The following PPP2R2C variants were observed in gnomAD, a reference collection of about 807,000 sequenced individuals.
The protein encoded by PPP2R2C is protein phosphatase 2, regulatory subunit B, gamma.
In PPP2R2C, 10 loss-of-function variants were observed where a neutral mutation model predicts 45.3. That is an observed-to-expected ratio of 0.22 (90% confidence interval 0.14 to 0.37). The LOEUF is 0.37. PPP2R2C is among the 10% of genes least tolerant of loss of function. The probability of loss-of-function intolerance (pLI) is 1.00; values close to 1 mark genes in which losing one functional copy is unlikely to be tolerated. For synonymous variants in PPP2R2C, 257 were observed against 245.4 expected (o/e 1.05, Z -0.44); for missense variants, 308 against 619.7 (o/e 0.50, Z 5.34).
chr4:6,517,267 G>A (rs1723853967), intron 2 of PPP2R2C, among the ~76,000 whole-genome samples: 1 of 152,174 alleles, frequency 6.6e-6, no homozygotes, highest in Admixed American at 6.5e-5. Context: ...CTGTGTGAAA[G>A]GCACCATGCT....
chr4:6,364,418 G>A lies in PPP2R2C; in HGVS notation c.625+8105C>T, dbSNP rs114258109. Among the ~76,000 whole-genome samples the A allele has an allele frequency of 7.0e-3, 1,060 of 152,300 alleles. 6 individuals are homozygous for A. The highest frequency in any genetic ancestry group is 0.024 in the African/African-American group (991 of 41,564). On this transcript the variant is annotated intron_variant, in intron 5 of 8. Coordinates refer to ENST00000382599, the MANE Select transcript of PPP2R2C (RefSeq NM_020416.4). This position sits in a 1 kb window ranked among gnomAD's most constrained non-coding sequence, Gnocchi z 5.3. ...GGCCTTGGAGGCCAGAGAAAGGGGCGGAGTTACTTCCAGTTGGGAGAAGTT... is the reference window on the plus strand; with the variant it reads ...GGCCTTGGAGGCCAGAGAAAGGGGCAGAGTTACTTCCAGTTGGGAGAAGTT...
At chr4:6,354,790 T>C (rs992837425) in intron 5 of PPP2R2C, among the ~76,000 whole-genome samples, 6 of 152,024 alleles carry the variant, frequency 3.9e-5, no homozygotes, top group East Asian at 1.9e-4. Flanking sequence ...GGGTGCGTGA[T>C]TGCGAATCCA....
intron 2 of PPP2R2C, among the ~76,000 whole-genome samples, chr4:6,517,638 C>T (rs10030047): frequency 0.049 from 7,419 of 152,262 alleles, 594 homozygotes; most frequent in African/African-American, 0.17. Flanking sequence ...AGAAATTACC[C>T]TGCGGCTCTT....
intron 1 of PPP2R2C, chr4:6,555,784 C>T (rs1032859607): frequency 2.4e-5 from 3 of 126,242 alleles, no homozygotes; most frequent in South Asian, 5.8e-4. Context: ...GCATCCGCCC[C>T]CCTGAGAACA....
chr4:6,337,245 C>T (rs897061990), intron 6 of PPP2R2C, among the ~76,000 whole-genome samples: 2 of 148,582 alleles, frequency 1.3e-5, no homozygotes, highest in Admixed American at 6.8e-5. Context: ...AAAATCACTT[C>T]GAACGCTTGA....
chr4:6,505,955 G>A (rs1218348047), intron 2 of PPP2R2C, among the ~76,000 whole-genome samples: 1 of 152,062 alleles, frequency 6.6e-6, no homozygotes, highest in Non-Finnish European at 1.5e-5. Flanking sequence ...GACAGAGTGA[G>A]ACTCCCTCTC....
intron 1 of PPP2R2C, among the ~76,000 whole-genome samples, chr4:6,551,947 T>C (rs1340426669): frequency 1.3e-5 from 2 of 152,194 alleles, no homozygotes; most frequent in African/African-American, 2.4e-5. Context: ...GATCATTTGT[T>C]AGGAAGCCAC....
intron 2 of PPP2R2C, among the ~76,000 whole-genome samples, chr4:6,507,109 G>C (rs192112422): frequency 6.6e-6 from 1 of 152,348 alleles, no homozygotes; most frequent in East Asian, 1.9e-4. Flanking sequence ...GGGAATGCCA[G>C]TGAGGAAGAG....
intron 1 of PPP2R2C, among the ~76,000 whole-genome samples, chr4:6,544,638 C>G (rs1724916285): frequency 6.6e-6 from 1 of 152,192 alleles, no homozygotes; most frequent in Non-Finnish European, 1.5e-5. Context: ...CACCCGGCTC[C>G]AAAAGCATTC....
chr4:6,385,193 TACCAGTCCCGCC>T (rs1716130108), intron 1 of PPP2R2C, among the ~76,000 whole-genome samples: 1 of 152,164 alleles, frequency 6.6e-6, no homozygotes, highest in African/African-American at 2.4e-5. Context: ...TGGTCCCGCC[TACCAGTCCCGCC>T]AGTCGCTCCC....
chr4:6,517,615 A>G (rs1229531501), intron 2 of PPP2R2C, among the ~76,000 whole-genome samples: 2 of 152,186 alleles, frequency 1.3e-5, no homozygotes. Context: ...ACAACTAGGA[A>G]AAAAAAGACA....
chr4:6,377,910 G>A (rs1347705794), intron 3 of PPP2R2C, among the ~76,000 whole-genome samples: 1 of 152,216 alleles, frequency 6.6e-6, no homozygotes, highest in Non-Finnish European at 1.5e-5. Flanking sequence ...AGGCCGGCCG[G>A]GGTCCTAAAC....
chr4:6,349,039 C>T (rs1045005593), intron 5 of PPP2R2C: 4 of 985,400 alleles, frequency 4.1e-6, no homozygotes, highest in Non-Finnish European at 4.8e-6. Context: ...TGCTCTTTTC[C>T]TATCCCTTCC....
intron 1 of PPP2R2C, among the ~76,000 whole-genome samples, chr4:6,410,176 G>A (rs1367410896): frequency 6.6e-6 from 1 of 152,188 alleles, no homozygotes; most frequent in Non-Finnish European, 1.5e-5. Flanking sequence ...CAGCCTCAGC[G>A]AGCTGATGAA....
At chr4:6,465,282 C>T (rs757390412) in intron 1 of PPP2R2C, among the ~76,000 whole-genome samples, 3 of 152,234 alleles carry the variant, frequency 2.0e-5, no homozygotes, top group Non-Finnish European at 2.9e-5. Flanking sequence ...TAACTGTTGG[C>T]CTCTCCCCTG....
Position 6,392,310 on chromosome 4 carries a change from C to T in PPP2R2C, c.71-11216G>A, listed in dbSNP as rs1716701455. Among the ~76,000 whole-genome samples the T allele has an allele frequency of 2.0e-5, 3 of 152,278 alleles. No individual in the cohort carries two copies. The South Asian group carries it at 6.2e-4, about 32-fold the overall frequency. On this transcript the variant is annotated intron_variant, in intron 1 of 8. Transcript: ENST00000382599. ...CATACACTGGAAATTCAGCAGTGCA[C>T]ACTCCCCAGAGAAAGCCCACTCTCG...
intron 1 of PPP2R2C, among the ~76,000 whole-genome samples, chr4:6,413,252 CAT>C (rs1297958943): frequency 1.4e-5 from 2 of 140,288 alleles, no homozygotes; most frequent in Admixed American, 7.2e-5. Flanking sequence ...AACACACAGT[CAT>C]GTACTCGCAC....
At chr4:6,338,978 G>A (rs1733226037) in intron 6 of PPP2R2C, among the ~76,000 whole-genome samples, 1 of 152,246 alleles carries the variant, frequency 6.6e-6, no homozygotes. Flanking sequence ...TGTGGGGCTT[G>A]CAGTAGCTGC....
chr4:6,391,452 TTAA>T (rs1716635242), intron 1 of PPP2R2C, among the ~76,000 whole-genome samples: 1 of 152,246 alleles, frequency 6.6e-6, no homozygotes, highest in Non-Finnish European at 1.5e-5. Flanking sequence ...AGTCCTGGAC[TTAA>T]TATCACCTCC....
Sources: gnomAD v4.1 joint callset for allele counts (sites outside exome capture counted in the v4.1 genomes callset) on GRCh38, gnomAD v4.1.1 for gene constraint, Gnocchi (gnomAD v3.1) non-coding constraint, MANE v1.5 for transcripts, NCBI Gene and HGNC (gene_info 2026-07-23, HGNC 2026-07-21) for gene names.